TINAG: variants seen among roughly 807,000 people sequenced by gnomAD.
TINAG encodes tubulointerstitial nephritis antigen.
In TINAG, 83 loss-of-function variants were observed where a neutral mutation model predicts 72.7. The ratio of observed to expected loss-of-function variants is 1.14; its 90% confidence interval spans 0.96 to 1.37. The LOEUF (loss-of-function observed/expected upper bound fraction) is 1.37. Ranked by LOEUF, TINAG falls within the 40% of genes most tolerant of loss-of-function variation. The pLI, the probability that TINAG is intolerant of heterozygous loss-of-function variation, is 0.00. For missense variants in TINAG, 685 were observed against 576.6 expected, an observed-to-expected ratio of 1.19 and a Z score of -1.93; for synonymous variants, 234 against 189.9, an observed-to-expected ratio of 1.23 and a Z score of -1.91.
At position 54,345,291 on chromosome 6, in the gene TINAG, C is replaced by T. The variant is rs1336728966; in HGVS notation, c.748+1942C>T. On this transcript the variant is annotated intron_variant, in intron 5 of 10. Transcript: ENST00000259782. The stretch of plus-strand genomic sequence containing the variant: ...AACCATCATTGAGATTCAGAAATGT[C>T]GGTATAAGACCAACATATTGCATAA... Among the ~76,000 whole-genome samples, 10 of 152,076 alleles carry T rather than the reference C, an allele frequency of 6.6e-5. No homozygotes were observed. The East Asian group carries it at 7.7e-4, about 12-fold the overall frequency.
chr6:54,310,076 C>CGTGTGTGTGTGTGT (rs138971244), intron 1 of TINAG, among the ~76,000 whole-genome samples: 3,306 of 127,674 alleles, frequency 0.026, 112 homozygotes, highest in African/African-American at 0.051. Context: ...CTTTTTTTTC[C>CGTGTGTGTGTGTGT]GTGTGTGTGT....
At chr6:54,361,919 A>G (rs922053796) in intron 9 of TINAG, among the ~76,000 whole-genome samples, 1 of 151,708 alleles carries the variant, frequency 6.6e-6, no homozygotes, top group Non-Finnish European at 1.5e-5. Context: ...GCCAAAGCCT[A>G]ATTCACAGCA....
intron 8 of TINAG, 40 bp downstream of exon 8, chr6:54,351,437 T>C: frequency 6.3e-7 from 1 of 1,581,576 alleles, no homozygotes; most frequent in Non-Finnish European, 8.7e-7. Flanking sequence ...TACTCATTCC[T>C]TTAATAAACA....
At chr6:54,349,941 TG>T in intron 7 of TINAG, 45 bp downstream of exon 7, 1 of 1,365,386 alleles carries the variant, frequency 7.3e-7, no homozygotes, top group South Asian at 1.8e-5. Context: ...CTTTCTCAAA[TG>T]TATATAGCTC....
Position 54,313,192 on chromosome 6 carries a change from G to A in TINAG, c.355+4287G>A, listed in dbSNP as rs1241514863. On this transcript the variant is annotated intron_variant, in intron 1 of 10. Coordinates refer to ENST00000259782, the MANE Select transcript of TINAG (RefSeq NM_014464.4). ...GTATTTTTTTGAACTTCTCTATTTT[G>A]TCATGTTGGTATGATCCTTAAAATA... Among the ~76,000 whole-genome samples the A allele has an allele frequency of 4.6e-5, 7 of 152,200 alleles. No individual in the cohort carries two copies. In the East Asian group the frequency reaches 1.3e-3, roughly 29 times the overall value.
chr6:54,341,429 T>C (rs1360419171), intron 4 of TINAG, among the ~76,000 whole-genome samples: 1 of 152,180 alleles, frequency 6.6e-6, no homozygotes, highest in African/African-American at 2.4e-5. Flanking sequence ...GAAGTTATCA[T>C]GTAAGCACTT....
intron 10 of TINAG, among the ~76,000 whole-genome samples, chr6:54,384,010 A>G (rs2150984606): frequency 6.6e-6 from 1 of 152,338 alleles, no homozygotes; most frequent in South Asian, 2.1e-4. Flanking sequence ...ACACCATAGA[A>G]TACTACGCAT....
At chr6:54,310,054 CT>C (rs1784203079) in intron 1 of TINAG, among the ~76,000 whole-genome samples, 2 of 147,076 alleles carry the variant, frequency 1.4e-5, no homozygotes, top group Admixed American at 1.4e-4. Flanking sequence ...CTCTCCCTTT[CT>C]TTTTTCCTTC....
At chr6:54,354,808 C>G (rs1369902970) in intron 9 of TINAG, among the ~76,000 whole-genome samples, 172 bp downstream of exon 9, 2 of 151,840 alleles carry the variant, frequency 1.3e-5, no homozygotes, top group African/African-American at 4.8e-5. Context: ...CAGTAAAAGG[C>G]TAACTCAGCA....
At chr6:54,351,949 A>C (rs1785275626) in intron 8 of TINAG, among the ~76,000 whole-genome samples, 1 of 151,940 alleles carries the variant, frequency 6.6e-6, no homozygotes, top group African/African-American at 2.4e-5. Context: ...GTAACAGTAA[A>C]TAATGAAATC....
At chr6:54,350,837 A>C (rs766256597) in intron 7 of TINAG, among the ~76,000 whole-genome samples, 37 of 151,646 alleles carry the variant, frequency 2.4e-4, no homozygotes, top group Non-Finnish European at 3.8e-4. Context: ...CCAAAATGTA[A>C]ATACCTTGAG....
chr6:54,351,487 A>T, intron 8 of TINAG, 90 bp downstream of exon 8: 1 of 1,289,048 alleles, frequency 7.8e-7, no homozygotes, highest in South Asian at 1.4e-5. Flanking sequence ...TTAATAAAAT[A>T]AAGAAAATTT....
At chr6:54,323,428 A>G (rs1425874581) in intron 3 of TINAG, among the ~76,000 whole-genome samples, 1 of 152,194 alleles carries the variant, frequency 6.6e-6, no homozygotes, top group African/African-American at 2.4e-5. Context: ...AAATATAACC[A>G]TATTATATCA....
intron 3 of TINAG, among the ~76,000 whole-genome samples, chr6:54,322,693 A>G (rs1449019941): frequency 6.6e-6 from 1 of 152,186 alleles, no homozygotes; most frequent in Non-Finnish European, 1.5e-5. Context: ...ACATTTGTTG[A>G]TATTAATATC....
chr6:54,327,996 C>T (rs1461398731), intron 4 of TINAG, among the ~76,000 whole-genome samples: 1 of 152,164 alleles, frequency 6.6e-6, no homozygotes, highest in African/African-American at 2.4e-5. Flanking sequence ...ACTCCCATCT[C>T]CCTGAGACGG....
chr6:54,337,605 C>T (rs774590970), intron 4 of TINAG, among the ~76,000 whole-genome samples: 2 of 152,146 alleles, frequency 1.3e-5, no homozygotes, highest in Non-Finnish European at 1.5e-5. Context: ...GAACAAACAT[C>T]TCCTACCTGA....
At chr6:54,312,266 C>T (rs563423168) in intron 1 of TINAG, among the ~76,000 whole-genome samples, 1 of 151,898 alleles carries the variant, frequency 6.6e-6, no homozygotes, top group Admixed American at 6.6e-5. Flanking sequence ...TTCCTTGTTT[C>T]CCAGGCTGTT....
At position 54,389,865 on chromosome 6, in the gene TINAG, C is replaced by T. The variant is rs139720660; in HGVS notation, c.1371C>T (p.Ser457=). 339 of 1,609,820 alleles carry T rather than the reference C, an allele frequency of 2.1e-4. No individual in the cohort carries two copies. Among genetic ancestry groups the T allele is most frequent in the Middle Eastern group, 1.8e-3 (11 of 6,042 alleles). Residue 457 remains serine (S), a synonymous_variant, in exon 11 of 11, where the codon TCC becomes TCT. Transcript: ENST00000259782. ...YFRILRGVNE[S]DIEKLIIAAW... ...GGATTCTTCGAGGAGTAAATGAGTC[C>T]GACATTGAAAAGTTGATTATCGCAG...
At chr6:54,333,462 T>A (rs114479117) in intron 4 of TINAG, among the ~76,000 whole-genome samples, 2,163 of 150,870 alleles carry the variant, frequency 0.014, 58 homozygotes, top group African/African-American at 0.05. Flanking sequence ...CACTGGGGCC[T>A]GTCGGGGGAT....
Sources: allele counts gnomAD v4.1 joint callset (sites outside exome capture counted in the v4.1 genomes callset), GRCh38; gene constraint gnomAD v4.1.1; transcripts MANE v1.5; gene names NCBI Gene and HGNC (gene_info 2026-07-23, HGNC 2026-07-21).